HECTD4: variants seen among roughly 807,000 people sequenced by gnomAD.
HECTD4 encodes the protein HECT domain E3 ubiquitin protein ligase 4, also known as probable E3 ubiquitin-protein ligase HECTD4.
HECTD4 carries 114 observed loss-of-function variants against 471.5 expected under a neutral mutation model. That is an observed-to-expected ratio of 0.24 (90% CI 0.21 to 0.28). The LOEUF (loss-of-function observed/expected upper bound fraction) is 0.28. HECTD4 is among the 10% of genes least tolerant of loss of function. HECTD4 has a pLI of 1.00. For synonymous variants in HECTD4, 2,012 were observed against 2,256.0 expected (o/e 0.89, Z 3.07); for missense variants, 3,866 against 5,651.5 (o/e 0.68, Z 10.13).
Position 112,279,301 on chromosome 12 carries a change from A to G in HECTD4, c.1614T>C (p.Pro538=), listed in dbSNP as rs200186306. The change falls in exon 9 of 76, where the codon CCT becomes CCC. Residue 538 remains proline (P), a synonymous_variant. Coordinates refer to ENST00000682272, the MANE Select transcript of HECTD4 (RefSeq NM_001388303.1). The part of the protein sequence containing the change: ...TCGTYLVMLV[P]PPGGSGSSAT... ...CAGAGCTGCCTGATCCCCCTGGAGG[A>G]GGCACCAGCATCACCAAGTAGGTGC... is the stretch of plus-strand genomic sequence containing the variant. 1.3e-5 allele frequency: 21 copies of G among 1,613,022 alleles called. No individual in the cohort carries two copies. The highest frequency in any genetic ancestry group is 1.7e-5 in the Non-Finnish European group (20 of 1,179,602).
chr12:112,360,025 T>C (rs1177966416), intron 1 of HECTD4, among the ~76,000 whole-genome samples: 1 of 152,234 alleles, frequency 6.6e-6, no homozygotes, highest in Non-Finnish European at 1.5e-5. Flanking sequence ...AGATATCTTC[T>C]GGTTTGGATG....
chr12:112,283,630 A>G (rs1767244378), intron 7 of HECTD4, among the ~76,000 whole-genome samples: 1 of 152,230 alleles, frequency 6.6e-6, no homozygotes, highest in African/African-American at 2.4e-5. Context: ...GAGGAAAACA[A>G]ATCAATCAGT....
Position 112,258,524 on chromosome 12 carries a change from G to T in HECTD4, c.3100C>A (p.Gln1034Lys). The T allele has an allele frequency of 6.2e-7, 1 of 1,602,512 alleles. No individual in the cohort carries two copies. The highest frequency in any genetic ancestry group is 8.5e-7 in the Non-Finnish European group (1 of 1,175,432). ...VGCSPCGAPD[Q>K]KCRLFPDERM... ...TCATCAGGGAACAGCCTGCACTTCTGGTCTGGTGCACCACACGGGGAACAG... is the reference window on the plus strand; with the variant it reads ...TCATCAGGGAACAGCCTGCACTTCTTGTCTGGTGCACCACACGGGGAACAG... The change falls in exon 20 of 76, where the codon CAG becomes AAG. Residue 1034 changes from glutamine to lysine, a missense_variant. Transcript: ENST00000682272.
At chr12:112,171,661 GA>G (rs780401622) in intron 67 of HECTD4, among the ~76,000 whole-genome samples, 2 of 152,228 alleles carry the variant, frequency 1.3e-5, no homozygotes, top group African/African-American at 2.4e-5. Context: ...TCAAAACCAG[GA>G]AACTGTGCCA....
At chr12:112,217,327 AC>A in intron 45 of HECTD4, 132 bp from the exon 46 acceptor site, 1 of 491,414 alleles carries the variant, frequency 2.0e-6, no homozygotes, top group Non-Finnish European at 3.4e-6. Context: ...ATACACACAC[AC>A]ACACACATAC....
Position 112,172,777 on chromosome 12 carries a change from G to T in HECTD4, c.11679C>A (p.Ile3893=). 1.2e-6 allele frequency: 2 copies of T among 1,614,006 alleles called. No homozygotes were observed. The highest frequency in any genetic ancestry group is 1.7e-6 in the Non-Finnish European group (2 of 1,179,894). ...LEMDVALVQY[I]NQLCRHLAIT... ...TGGCGAGGTGGCGGCATAGCTGGTT[G>T]ATGTACTGCACAAGTGCCACGTCCA... Residue 3893 remains isoleucine (I), a synonymous_variant, in exon 67 of 76, where the codon ATC becomes ATA. Coordinates refer to ENST00000682272, the MANE Select transcript of HECTD4 (RefSeq NM_001388303.1).
intron 65 of HECTD4, 121 bp from the exon 66 acceptor site, chr12:112,175,980 CCTCCCGTAA>C: frequency 2.4e-6 from 3 of 1,248,914 alleles, no homozygotes; most frequent in Non-Finnish European, 3.4e-6. Flanking sequence ...TTCCCCTCTC[CCTCCCGTAA>C]CTCTGGGAAT....
chr12:112,265,561 T>C (rs917872753), intron 15 of HECTD4, among the ~76,000 whole-genome samples: 1 of 152,104 alleles, frequency 6.6e-6, no homozygotes, highest in Non-Finnish European at 1.5e-5. Context: ...CTAACACACA[T>C]ACTCAGCCTT....
At chr12:112,171,544 G>A (rs1235504460) in intron 67 of HECTD4, among the ~76,000 whole-genome samples, 11 of 152,328 alleles carry the variant, frequency 7.2e-5, no homozygotes, top group East Asian at 1.9e-4. Flanking sequence ...TGTGCACTAC[G>A]TTAGTTTTTG....
At chr12:112,192,338 C>T (rs2032106969) in intron 59 of HECTD4, among the ~76,000 whole-genome samples, 1 of 152,240 alleles carries the variant, frequency 6.6e-6, no homozygotes, top group Admixed American at 6.5e-5. Context: ...CCACTGTAGT[C>T]TGGACAGCAT....
rs993903728 is a variant in HECTD4, at chr12:112,193,134, T to C, written c.9013A>G (p.Met3005Val). The change falls in exon 58 of 76, where the codon ATG (methionine) becomes GTG (valine). Residue 3005 changes from methionine to valine, a missense_variant. Physicochemically the swap from Met to Val is conservative, Grantham distance 21. Coordinates refer to ENST00000682272, the MANE Select transcript of HECTD4 (RefSeq NM_001388303.1). This position sits in a 1 kb window ranked among gnomAD's most constrained non-coding sequence, Gnocchi z 5.2. ...GCTGCCCCGGGGAAATTCACGTCCA[T>C]GTTGACTTTGGATTCGGAAATTGGG... The part of the protein sequence containing the change: ...EFPISESKVN[M>V]DVNFPGAAFV... 6 of 1,613,994 alleles carry C rather than the reference T, an allele frequency of 3.7e-6. No individual in the cohort carries two copies. Among genetic ancestry groups the C allele is most frequent in the Non-Finnish European group, 5.1e-6 (6 of 1,179,884 alleles).
At position 112,163,399 on chromosome 12, in the gene HECTD4, CAAT is replaced by C. The variant is rs2030781929; in HGVS notation, c.12898-138_12898-136del. On this transcript the variant is annotated intron_variant, in intron 74 of 75. Transcript: ENST00000682272. The surrounding 1 kb of genome is among the most constrained non-coding windows in gnomAD (Gnocchi z 8.2). ...GTGGGCTGTGAGCACAGGGAGATGA[CAAT>C]GATGACAATGATACAGGTCTGTGGC... The C allele has an allele frequency of 2.0e-6, 2 of 1,010,558 alleles. No individual in the cohort carries two copies. Among genetic ancestry groups the C allele is most frequent in the African/African-American group, 1.6e-5 (1 of 61,252 alleles). 62.6% of individuals were successfully genotyped at this position (1,010,558 alleles called of 1,614,324 possible). A position where few individuals can be genotyped will look rare whatever the true frequency, so the allele number is the denominator to read the frequency against.
At chr12:112,165,879 T>A (rs2030934133) in intron 72 of HECTD4, among the ~76,000 whole-genome samples, 1 of 152,172 alleles carries the variant, frequency 6.6e-6, no homozygotes, top group Non-Finnish European at 1.5e-5. Flanking sequence ...TGACTGCAGC[T>A]TGGGGACAGT....
chr12:112,327,160 T>C (rs2035761170), intron 1 of HECTD4, among the ~76,000 whole-genome samples: 2 of 151,940 alleles, frequency 1.3e-5, no homozygotes, highest in Admixed American at 1.3e-4. Context: ...CTACTAAGAA[T>C]ACAAAAATTA....
chr12:112,197,272 T>G (rs1014173591), intron 55 of HECTD4, among the ~76,000 whole-genome samples: 6 of 152,172 alleles, frequency 3.9e-5, no homozygotes, highest in Non-Finnish European at 7.3e-5. Flanking sequence ...TGCTAATGCC[T>G]CTGAAGCCAC....
Position 112,239,686 on chromosome 12 carries a change from G to A in HECTD4, c.5105+195C>T, listed in dbSNP as rs1593964823. 6.6e-6 allele frequency among the ~76,000 whole-genome samples: 1 copy of A among 152,252 alleles called. No homozygotes were observed. The highest frequency in any genetic ancestry group is 1.5e-5 in the Non-Finnish European group (1 of 68,016). On this transcript the variant is annotated intron_variant, in intron 33 of 75. Transcript: ENST00000682272. The surrounding 1 kb of genome is among the most constrained non-coding windows in gnomAD (Gnocchi z 4.9). ...ACAATGTAATATAACCCTAATGGCT[G>A]CATTTAGTCATGTTGGAACTCAATA...
chr12:112,185,002 C>A lies in HECTD4; in HGVS notation c.9964G>T (p.Ala3322Ser), dbSNP rs947037000. ...RKKVKMKREK[A>S]SSSGKRQSSR... ...GACTGGCGCTTGCCCGACGAGGAGG[C>A]CTTTTCCCGCTTCATCTTGACTTTT... Residue 3322 changes from alanine to serine, a missense_variant, in exon 61 of 76, where the codon GCC (alanine) becomes TCC (serine). By Grantham distance (99) the Ala-to-Ser change is moderately conservative. Coordinates refer to ENST00000682272, the MANE Select transcript of HECTD4 (RefSeq NM_001388303.1). The A allele has an allele frequency of 2.4e-5, 38 of 1,609,656 alleles. No individual in the cohort carries two copies. Among genetic ancestry groups the A allele is most frequent in the Non-Finnish European group, 3.1e-5 (37 of 1,178,146 alleles).
intron 22 of HECTD4, 70 bp downstream of exon 22, chr12:112,253,973 A>T: frequency 6.5e-7 from 1 of 1,536,488 alleles, no homozygotes; most frequent in Non-Finnish European, 8.9e-7. Flanking sequence ...GATTACAGTT[A>T]GTACTTGGAC....
chr12:112,287,336 A>G (rs1346513219), intron 7 of HECTD4, among the ~76,000 whole-genome samples: 1 of 152,192 alleles, frequency 6.6e-6, no homozygotes, highest in African/African-American at 2.4e-5. Flanking sequence ...CAGATACGGC[A>G]ATATAGTATA....
Sources: gnomAD v4.1 joint callset for allele counts (sites outside exome capture counted in the v4.1 genomes callset) on GRCh38, gnomAD v4.1.1 for gene constraint, Gnocchi (gnomAD v3.1) non-coding constraint, MANE v1.5 for transcripts, NCBI Gene and HGNC (gene_info 2026-07-23, HGNC 2026-07-21) for gene names.